Variants in AMPH observed in about 807,000 individuals in gnomAD.
AMPH encodes amphiphysin (Stiff-Mann syndrome with breast cancer 128kD autoantigen).
A neutral mutation model predicts 99.1 loss-of-function variants in AMPH; 49 were observed. The observed-to-expected ratio is 0.49, with a 90% CI of 0.39 to 0.63. The LOEUF (loss-of-function observed/expected upper bound fraction) is 0.63. Ranked by LOEUF, AMPH falls within the 20% of genes least tolerant of loss-of-function variation. AMPH has a pLI of 0.00. For synonymous variants in AMPH, 314 were observed against 317.3 expected (o/e 0.99, Z 0.11); for missense variants, 759 against 863.4 (o/e 0.88, Z 1.52).
intron 17 of AMPH, among the ~76,000 whole-genome samples, chr7:38,415,494 C>T (rs1478097697): frequency 6.6e-6 from 1 of 152,156 alleles, no homozygotes; most frequent in Admixed American, 6.6e-5. Context: ...CCTAATAGAC[C>T]TTTCTCCAGA....
intron 2 of AMPH, among the ~76,000 whole-genome samples, chr7:38,514,138 T>C (rs923456575): frequency 1.3e-5 from 2 of 152,210 alleles, no homozygotes; most frequent in Admixed American, 1.3e-4. Flanking sequence ...TGTGCTCTAT[T>C]TATTGTCTGC....
intron 1 of AMPH, among the ~76,000 whole-genome samples, chr7:38,582,524 T>A (rs1327574507): frequency 6.6e-6 from 1 of 152,198 alleles, no homozygotes; most frequent in Non-Finnish European, 1.5e-5. Context: ...GTTCAAAGAT[T>A]CCATGACATA....
chr7:38,415,326 C>A (rs1785342054), intron 17 of AMPH, among the ~76,000 whole-genome samples: 2 of 152,156 alleles, frequency 1.3e-5, no homozygotes, highest in South Asian at 2.1e-4. Flanking sequence ...AAAACTTGAA[C>A]TAATAATTAT....
At chr7:38,453,196 C>T (rs1333122229) in intron 11 of AMPH, among the ~76,000 whole-genome samples, 4 of 152,148 alleles carry the variant, frequency 2.6e-5, no homozygotes, top group Admixed American at 2.6e-4. Context: ...AGGCTGTGCC[C>T]CCGAAAATGC....
intron 1 of AMPH, among the ~76,000 whole-genome samples, chr7:38,609,176 G>C (rs965298045): frequency 6.6e-6 from 1 of 152,078 alleles, no homozygotes; most frequent in Non-Finnish European, 1.5e-5. Flanking sequence ...GGATAAATAG[G>C]AACTGTTTTC....
chr7:38,455,729 C>T (rs1057146263), intron 11 of AMPH, among the ~76,000 whole-genome samples: 6 of 152,192 alleles, frequency 3.9e-5, no homozygotes, highest in African/African-American at 9.7e-5. Flanking sequence ...CTAGGGACCA[C>T]ACAGAGACAT....
chr7:38,481,241 C>T (rs926322464), intron 5 of AMPH, among the ~76,000 whole-genome samples: 10 of 151,984 alleles, frequency 6.6e-5, no homozygotes, highest in African/African-American at 2.4e-5. Context: ...AAGGTTGACA[C>T]ACATTAGCTT....
chr7:38,605,667 C>T (rs544162466), intron 1 of AMPH, among the ~76,000 whole-genome samples: 1 of 152,292 alleles, frequency 6.6e-6, no homozygotes. Flanking sequence ...TCTCCGCCTC[C>T]TCAGTTCAAG....
intron 1 of AMPH, among the ~76,000 whole-genome samples, chr7:38,542,890 T>C (rs887806610): frequency 7.9e-5 from 12 of 151,452 alleles, no homozygotes; most frequent in African/African-American, 2.9e-4. Flanking sequence ...GGTCAGGAGT[T>C]TGAGACCAGC....
chr7:38,473,442 C>T (rs1352387560), intron 7 of AMPH, among the ~76,000 whole-genome samples: 1 of 66,202 alleles, frequency 1.5e-5, no homozygotes, highest in Non-Finnish European at 2.8e-5. Context: ...CGGTGGCTCA[C>T]GCCTGTAATC....
intron 1 of AMPH, among the ~76,000 whole-genome samples, chr7:38,586,970 G>T (rs1264991937): frequency 2.6e-5 from 4 of 151,676 alleles, no homozygotes; most frequent in African/African-American, 7.3e-5. Flanking sequence ...CACACACTTT[G>T]GTCCCAAGTA....
intron 1 of AMPH, among the ~76,000 whole-genome samples, chr7:38,558,211 A>T (rs1791432492): frequency 6.6e-6 from 1 of 152,232 alleles, no homozygotes; most frequent in Non-Finnish European, 1.5e-5. Flanking sequence ...GAGAAAGTCC[A>T]TCTAATCAAG....
intron 1 of AMPH, among the ~76,000 whole-genome samples, chr7:38,555,816 T>C (rs1791343349): frequency 1.3e-5 from 2 of 152,208 alleles, no homozygotes; most frequent in Non-Finnish European, 2.9e-5. Context: ...GTTTTCCAAA[T>C]GTTCTATAAG....
At position 38,392,377 on chromosome 7, in the gene AMPH, C is replaced by CTTTTTTTTTTTT. The variant is rs574057389; in HGVS notation, c.1609-372_1609-361dup. ...GGAGTCAATGCAGGCCGGCCTGGTTCTTTTTTTTTTTTTTTTTTTTTTTTT... is the reference window on the plus strand; with the variant it reads ...GGAGTCAATGCAGGCCGGCCTGGTTCTTTTTTTTTTTTTTTTTTTTTTTTTTTTTTTTTTTTT... On this transcript the variant is annotated intron_variant, in intron 18 of 20. Coordinates refer to ENST00000356264, the MANE Select transcript of AMPH (RefSeq NM_001635.4). Among the ~76,000 whole-genome samples the CTTTTTTTTTTTT allele has an allele frequency of 2.9e-4, 12 of 42,046 alleles. 2 individuals carry two copies. The highest frequency in any genetic ancestry group is 9.7e-4 in the African/African-American group (9 of 9,244). The allele number at this position is 42,046 out of a possible 152,430, so 27.6% of individuals were successfully genotyped here.
At chr7:38,431,077 T>C (rs113945381) in intron 13 of AMPH, among the ~76,000 whole-genome samples, 2 of 152,334 alleles carry the variant, frequency 1.3e-5, no homozygotes, top group African/African-American at 4.8e-5. Flanking sequence ...CCAAGGGATA[T>C]GAGGCTGTAG....
chr7:38,440,336 A>G (rs1049779559), intron 11 of AMPH, among the ~76,000 whole-genome samples: 2 of 152,216 alleles, frequency 1.3e-5, no homozygotes, highest in Non-Finnish European at 2.9e-5. Context: ...ACTTTCTAAA[A>G]TAAAAATTCA....
At chr7:38,492,249 G>A (rs1019485014) in intron 4 of AMPH, among the ~76,000 whole-genome samples, 3 of 152,202 alleles carry the variant, frequency 2.0e-5, no homozygotes, top group Non-Finnish European at 4.4e-5. Flanking sequence ...TTCAGGAAGT[G>A]TCCTGAAAAA....
At chr7:38,613,072 C>T (rs529791921) in intron 1 of AMPH, among the ~76,000 whole-genome samples, 2 of 152,112 alleles carry the variant, frequency 1.3e-5, no homozygotes, top group Non-Finnish European at 2.9e-5. Context: ...TCATTTTCTG[C>T]ATTTTGCTAA....
chr7:38,384,999 A>C, intron 20 of AMPH, 74 bp from the exon 21 acceptor site: 4 of 1,290,928 alleles, frequency 3.1e-6, no homozygotes, highest in Non-Finnish European at 4.5e-6. Context: ...TTAATTAATA[A>C]TGTGTTACAT....
Sources: allele counts gnomAD v4.1 joint callset (sites outside exome capture counted in the v4.1 genomes callset), GRCh38; gene constraint gnomAD v4.1.1; transcripts MANE v1.5; gene names NCBI Gene and HGNC (gene_info 2026-07-23, HGNC 2026-07-21).